The following TOP1 variants were observed in gnomAD, a reference collection of about 807,000 sequenced individuals.
TOP1 encodes DNA topoisomerase I.
TOP1 carries 10 observed loss-of-function variants against 111.1 expected under a neutral mutation model. The observed-to-expected ratio is 0.09, with a 90% CI of 0.06 to 0.15. The LOEUF (loss-of-function observed/expected upper bound fraction) is 0.15. TOP1 is among the 10% of genes least tolerant of loss of function. The pLI is 1.00. For missense variants in TOP1, 474 were observed against 926.7 expected (o/e 0.51, Z 6.34); for synonymous variants, 271 against 302.9 (o/e 0.89, Z 1.10).
chr20:41,076,406 T>A (rs2033728002), intron 4 of TOP1, 112 bp downstream of exon 4: 49 of 1,422,090 alleles, frequency 3.4e-5, no homozygotes, highest in Non-Finnish European at 4.5e-5. Flanking sequence ...GTGAAAGGTT[T>A]CTTGTCAGGA....
chr20:41,062,483 T>C (rs546515238), intron 3 of TOP1, among the ~76,000 whole-genome samples: 41 of 152,352 alleles, frequency 2.7e-4, no homozygotes, highest in African/African-American at 8.4e-4. Context: ...TTATCTCTTA[T>C]CACTTGATCA....
At chr20:41,089,946 CCATT>C (rs2033899110) in intron 8 of TOP1, among the ~76,000 whole-genome samples, 1 of 152,004 alleles carries the variant, frequency 6.6e-6, no homozygotes, top group East Asian at 1.9e-4. Context: ...AGAAAAATGA[CCATT>C]CAAGTTCTTT....
In TOP1 at chr20:41,028,860, T is replaced by C. The variant is rs2033073999; in HGVS notation, c.-208T>C. Reference sequence around the variant, plus strand: ...AGGCTGTTACACAACTGCTGGGGTCTGTTCTCGCCGCCCGCCCGGCAGTCA... The same window carrying C: ...AGGCTGTTACACAACTGCTGGGGTCCGTTCTCGCCGCCCGCCCGGCAGTCA... On this transcript the variant is annotated 5_prime_UTR_variant, in exon 1 of 21. Transcript: ENST00000361337. The C allele has an allele frequency of 1.3e-5, 7 of 554,668 alleles. No homozygotes were observed. Among genetic ancestry groups the C allele is most frequent in the Non-Finnish European group, 1.9e-5 (6 of 315,350 alleles). 34.4% of individuals were successfully genotyped at this position (554,668 alleles called of 1,614,324 possible).
chr20:41,085,081 T>TAA (rs11477287), intron 8 of TOP1, among the ~76,000 whole-genome samples: 4 of 142,316 alleles, frequency 2.8e-5, no homozygotes, highest in Admixed American at 7.0e-5. Flanking sequence ...TCATGCCATT[T>TAA]AAAAAAAAAA....
intron 9 of TOP1, among the ~76,000 whole-genome samples, chr20:41,096,059 G>A (rs1207871109): frequency 6.6e-6 from 1 of 152,090 alleles, no homozygotes; most frequent in Non-Finnish European, 1.5e-5. Flanking sequence ...AAACATCTGA[G>A]TCCCTTTAGA....
rs1250446056 is a variant in TOP1 at position 41,058,233 on chromosome 20, A to G, written c.59-3161A>G. On this transcript the variant is annotated intron_variant, in intron 2 of 20. Transcript: ENST00000361337. This position sits in a 1 kb window ranked among gnomAD's most constrained non-coding sequence, Gnocchi z 4.2. ...TCTTTTGCTGTGAGCCAGTCATGGG[A>G]TGAAGACACATTGCCTATGCATTAT... 2.0e-5 allele frequency among the ~76,000 whole-genome samples: 3 copies of G among 152,258 alleles called. No individual in the cohort carries two copies. Among genetic ancestry groups the G allele is most frequent in the African/African-American group, 7.2e-5 (3 of 41,464 alleles).
chr20:41,044,851 C>T (rs1046119415), intron 2 of TOP1, among the ~76,000 whole-genome samples: 4 of 152,178 alleles, frequency 2.6e-5, no homozygotes, highest in African/African-American at 7.2e-5. Flanking sequence ...AGTGCAGTGG[C>T]GCGATCTCAG....
intron 17 of TOP1, among the ~76,000 whole-genome samples, chr20:41,117,380 ATTTTTT>A (rs1192075214): frequency 2.0e-4 from 17 of 85,528 alleles, no homozygotes; most frequent in South Asian, 4.4e-4. Context: ...CTGTGGCTTA[ATTTTTT>A]TTTTTTTTTT....
chr20:41,049,591 C>G (rs895975388), intron 2 of TOP1, among the ~76,000 whole-genome samples: 28 of 152,086 alleles, frequency 1.8e-4, no homozygotes, highest in African/African-American at 6.5e-4. Context: ...TTAGGGGGAC[C>G]CTTTCCCTCT....
rs571726376 is a variant in TOP1, at chr20:41,105,328, A to G, written c.1308+3975A>G. The stretch of plus-strand genomic sequence containing the variant: ...GTACAACCTATTGTAAAATAAAAAC[A>G]GGTTTTAGTTTTAAATTAGGTATGT... On this transcript the variant is annotated intron_variant, in intron 13 of 20. Transcript: ENST00000361337. 2.0e-5 allele frequency among the ~76,000 whole-genome samples: 3 copies of G among 152,336 alleles called. No individual in the cohort carries two copies. In the East Asian group the frequency reaches 5.8e-4, roughly 29 times the overall value.
At chr20:41,107,358 C>G (rs1278661395) in intron 13 of TOP1, among the ~76,000 whole-genome samples, 3 of 152,142 alleles carry the variant, frequency 2.0e-5, no homozygotes, top group Non-Finnish European at 4.4e-5. Flanking sequence ...ACTTTTCAAT[C>G]TAGACATCTT....
intron 2 of TOP1, among the ~76,000 whole-genome samples, chr20:41,053,700 G>A (rs886701174): frequency 3.9e-5 from 6 of 152,116 alleles, no homozygotes; most frequent in South Asian, 2.1e-4. Flanking sequence ...ATTGACGTTC[G>A]AAAATTTGAG....
At position 41,046,968 on chromosome 20, in the gene TOP1, G is replaced by T. The variant is rs1349303093; in HGVS notation, c.59-14426G>T. On this transcript the variant is annotated intron_variant, in intron 2 of 20. Coordinates refer to ENST00000361337, the MANE Select transcript of TOP1 (RefSeq NM_003286.4). This position sits in a 1 kb window ranked among gnomAD's most constrained non-coding sequence, Gnocchi z 4.3. ...AACCACTTTCAAGTCAAGTTGATTG[G>T]CCATTCATGAGCTGTGTGCAGGGAG... Among the ~76,000 whole-genome samples, 1 of 152,204 alleles carries T rather than the reference G, an allele frequency of 6.6e-6. No homozygotes were observed. Among genetic ancestry groups the T allele is most frequent in the African/African-American group, 2.4e-5 (1 of 41,446 alleles).
At chr20:41,108,100 T>C (rs1451439511) in intron 13 of TOP1, among the ~76,000 whole-genome samples, 1 of 152,226 alleles carries the variant, frequency 6.6e-6, no homozygotes, top group Non-Finnish European at 1.5e-5. Flanking sequence ...TGAAGGGTGG[T>C]AACTGGTGGT....
intron 9 of TOP1, among the ~76,000 whole-genome samples, chr20:41,096,271 T>C (rs2033981491): frequency 6.6e-6 from 1 of 152,248 alleles, no homozygotes; most frequent in African/African-American, 2.4e-5. Context: ...TTTCGCCATG[T>C]TGGCCAGGCT....
intron 3 of TOP1, 36 bp from the exon 4 acceptor site, chr20:41,076,135 C>A: frequency 6.3e-7 from 1 of 1,591,254 alleles, no homozygotes; most frequent in Non-Finnish European, 8.5e-7. Flanking sequence ...GTGGTCCCTA[C>A]TCTGGGCTAA....
Position 41,115,061 on chromosome 20 carries a change from T to C in TOP1, c.1639-310T>C, listed in dbSNP as rs183647851. Among the ~76,000 whole-genome samples the C allele has an allele frequency of 6.6e-6, 1 of 152,320 alleles. No individual in the cohort carries two copies. The highest frequency in any genetic ancestry group is 6.5e-5 in the Admixed American group (1 of 15,304). On this transcript the variant is annotated intron_variant, in intron 15 of 20. Transcript: ENST00000361337. The surrounding 1 kb of genome is among the most constrained non-coding windows in gnomAD (Gnocchi z 6.3). ...TATTATAAGTAAGTACTTATAAATG[T>C]ACTTTAGGACCATATTATAAGTAAG...
chr20:41,096,623 A>AACCACT (rs1264075927), intron 9 of TOP1, among the ~76,000 whole-genome samples: 2 of 152,202 alleles, frequency 1.3e-5, no homozygotes, highest in Non-Finnish European at 2.9e-5. Context: ...CTGGTCTGTG[A>AACCACT]ACCACTTGTT....
chr20:41,073,195 A>G (rs2033686984), intron 3 of TOP1: 2 of 985,242 alleles, frequency 2.0e-6, no homozygotes, highest in Non-Finnish European at 2.4e-6. Flanking sequence ...GTAGGTACCT[A>G]TGTTGTGATT....
Sources: gnomAD v4.1 joint callset for allele counts (sites outside exome capture counted in the v4.1 genomes callset) on GRCh38, gnomAD v4.1.1 for gene constraint, Gnocchi (gnomAD v3.1) non-coding constraint, MANE v1.5 for transcripts, NCBI Gene and HGNC (gene_info 2026-07-23, HGNC 2026-07-21) for gene names.